Variants in MTFR1 observed in about 807,000 individuals in gnomAD.
MTFR1 encodes the protein chondrocyte protein with a poly-proline region.
MTFR1 carries 28 observed loss-of-function variants against 38.8 expected under a neutral mutation model. The ratio of observed to expected loss-of-function variants is 0.72; its 90% CI spans 0.53 to 0.99. The LOEUF (loss-of-function observed/expected upper bound fraction) is 0.99. MTFR1 is among the 50% of genes least tolerant of loss of function. The pLI, the probability that MTFR1 is intolerant of heterozygous loss-of-function variation, is 0.00. For synonymous variants in MTFR1, 145 were observed against 137.0 expected, an observed-to-expected ratio of 1.06 and a Z score of -0.41; for missense variants, 358 against 395.5, an observed-to-expected ratio of 0.91 and a Z score of 0.81.
At chr8:65,690,511 C>CA (rs1805243089) in intron 3 of MTFR1, among the ~76,000 whole-genome samples, 1 of 152,184 alleles carries the variant, frequency 6.6e-6, no homozygotes, top group South Asian at 2.1e-4. Flanking sequence ...ACCTGAGTGA[C>CA]AGAGTGAGAC....
At chr8:65,744,208 TACAAAACAAA>T (rs140231902) in intron 3 of MTFR1, among the ~76,000 whole-genome samples, 7,001 of 151,564 alleles carry the variant, frequency 0.046, 539 homozygotes, top group African/African-American at 0.16. Context: ...TTAGTTGTGT[TACAAAACAAA>T]ACAAAACAAA....
At chr8:65,734,881 T>G in intron 3 of MTFR1, 1 of 1,606,260 alleles carries the variant, frequency 6.2e-7, no homozygotes, top group Non-Finnish European at 8.5e-7. Context: ...TGTGGTAATC[T>G]TCTTGAATCA....
intron 1 of MTFR1, among the ~76,000 whole-genome samples, chr8:65,654,866 C>T (rs909644164): frequency 3.3e-5 from 5 of 152,086 alleles, no homozygotes; most frequent in African/African-American, 4.8e-5. Context: ...TGTGAGCCAC[C>T]GTGCCTGGCC....
At chr8:65,644,535 A>G (rs1249934878), upstream of MTFR1, among the ~76,000 whole-genome samples, 2 of 152,244 alleles carry the variant, frequency 1.3e-5, no homozygotes, top group Non-Finnish European at 2.9e-5. Flanking sequence ...AGGTCCGCAC[A>G]AAAGCACACG....
Position 65,670,799 on chromosome 8 carries a change from G to A in MTFR1, c.66+781G>A, listed in dbSNP as rs149561753. On this transcript the variant is annotated intron_variant, in intron 2 of 7. Coordinates refer to ENST00000262146, the MANE Select transcript of MTFR1 (RefSeq NM_014637.4). ...GGCTCACTGCAACCTCTGCCTCCCAGGTTCAAACAATTCTCCTGCCTCAGC... is the reference window on the plus strand; with the variant it reads ...GGCTCACTGCAACCTCTGCCTCCCAAGTTCAAACAATTCTCCTGCCTCAGC... Among the ~76,000 whole-genome samples, 1,440 of 151,446 alleles carry A rather than the reference G, an allele frequency of 9.5e-3. 9 individuals are homozygous for A. The highest frequency in any genetic ancestry group is 0.042 in the East Asian group (217 of 5,138).
intron 3 of MTFR1, among the ~76,000 whole-genome samples, chr8:65,742,613 G>A (rs903586348): frequency 6.6e-6 from 1 of 152,184 alleles, no homozygotes; most frequent in African/African-American, 2.4e-5. Flanking sequence ...TACCATGAAT[G>A]TATGTTATCC....
intron 1 of MTFR1, among the ~76,000 whole-genome samples, chr8:65,650,006 T>A (rs1809075797): frequency 6.7e-6 from 1 of 149,534 alleles, no homozygotes; most frequent in African/African-American, 2.5e-5. Flanking sequence ...GCCCGGCTGA[T>A]TTTTGTATTT....
chr8:65,736,795 T>TG (rs1207169510), intron 3 of MTFR1, among the ~76,000 whole-genome samples: 1 of 151,112 alleles, frequency 6.6e-6, no homozygotes, highest in Non-Finnish European at 1.5e-5. Context: ...TATCTGTTTT[T>TG]TTTTTTTTTT....
chr8:65,673,952 C>G (rs534104086), intron 2 of MTFR1, among the ~76,000 whole-genome samples: 75 of 152,248 alleles, frequency 4.9e-4, no homozygotes, highest in African/African-American at 1.7e-3. Context: ...TGTGAATCAT[C>G]AAAACATGAC....
chr8:65,703,701 C>T (rs111750873), intron 4 of MTFR1, among the ~76,000 whole-genome samples: 2,598 of 152,074 alleles, frequency 0.017, 80 homozygotes, highest in African/African-American at 0.059. Flanking sequence ...TCCCAAAGTG[C>T]TGGTATTACA....
At chr8:65,765,946 TTTA>T (rs538177407) in intron 3 of MTFR1, among the ~76,000 whole-genome samples, 114 of 152,112 alleles carry the variant, frequency 7.5e-4, no homozygotes, top group Non-Finnish European at 1.3e-3. Context: ...GAGATGAAAT[TTTA>T]TTTATTTATT....
the MTFR1 span, among the ~76,000 whole-genome samples, chr8:65,776,970 T>C: frequency 7.2e-5 from 11 of 152,220 alleles, no homozygotes; most frequent in Non-Finnish European, 7.3e-5. Context: ...TTAAATATGA[T>C]GTTTGCTATG....
At chr8:65,656,863 C>T (rs901755044) in intron 1 of MTFR1, among the ~76,000 whole-genome samples, 1 of 151,984 alleles carries the variant, frequency 6.6e-6, no homozygotes, top group Non-Finnish European at 1.5e-5. Flanking sequence ...CCAGGCTGCT[C>T]TTGAACTGCA....
intron 3 of MTFR1, among the ~76,000 whole-genome samples, chr8:65,751,569 C>T (rs952347320): frequency 3.3e-5 from 5 of 151,978 alleles, no homozygotes; most frequent in African/African-American, 7.3e-5. Context: ...ATCGGCTCAC[C>T]GCAACCTCCG....
intron 3 of MTFR1, among the ~76,000 whole-genome samples, chr8:65,758,703 T>A (rs1808350940): frequency 6.6e-6 from 1 of 152,238 alleles, no homozygotes; most frequent in Non-Finnish European, 1.5e-5. Context: ...GTGCTGGACA[T>A]TATGGGCTGT....
At position 65,765,488 on chromosome 8, in the gene MTFR1, C is replaced by CAAAAAAAAAAAAA. The variant is rs11342419; in HGVS notation, c.*49-5439_*49-5427dup. Reference sequence around the variant, plus strand: ...TGGGCGACAGAGCGAGACTCCGTCTCAAAAAAAAAAAAAAAAAAAAAAAAA... The same window carrying CAAAAAAAAAAAAA: ...TGGGCGACAGAGCGAGACTCCGTCTCAAAAAAAAAAAAAAAAAAAAAAAAAAAAAAAAAAAAAA... On this transcript the variant is annotated intron_variant, in intron 3 of 3. Transcript: ENST00000521247. 2.5e-4 allele frequency: 11 copies of CAAAAAAAAAAAAA among 44,610 alleles called. 1 individual carries two copies. Among genetic ancestry groups the CAAAAAAAAAAAAA allele is most frequent in the Admixed American group, 7.6e-4 (2 of 2,624 alleles). The allele number at this position is 44,610 out of a possible 1,614,324, so 2.8% of individuals were successfully genotyped here.
chr8:65,691,322 C>G (rs1270571226), intron 3 of MTFR1, among the ~76,000 whole-genome samples: 1 of 152,174 alleles, frequency 6.6e-6, no homozygotes, highest in East Asian at 1.9e-4. Flanking sequence ...GAGTCTCACT[C>G]TGTTGCCCGG....
chr8:65,685,054 A>G (rs945715828), intron 3 of MTFR1, among the ~76,000 whole-genome samples: 3 of 152,220 alleles, frequency 2.0e-5, no homozygotes, highest in Non-Finnish European at 4.4e-5. Context: ...TACATATGCT[A>G]TCATCCTTCT....
chr8:65,704,492 G>A lies in MTFR1; in HGVS notation c.282-202G>A, dbSNP rs1441057856. 4.6e-5 allele frequency among the ~76,000 whole-genome samples: 7 copies of A among 152,160 alleles called. No individual in the cohort carries two copies. The East Asian group carries it at 1.3e-3, about 29-fold the overall frequency. On this transcript the variant is annotated intron_variant, in intron 4 of 7. Coordinates refer to ENST00000262146, the MANE Select transcript of MTFR1 (RefSeq NM_014637.4). ...TAGAGATTGACTAAGAAAAATGATG[G>A]CAGCAAGAACCCCAGCTGTGGTATG...
Sources: allele counts gnomAD v4.1 joint callset (sites outside exome capture counted in the v4.1 genomes callset), GRCh38; gene constraint gnomAD v4.1.1; transcripts MANE v1.5; gene names NCBI Gene and HGNC (gene_info 2026-07-23, HGNC 2026-07-21).